The following SIL1 variants were observed in gnomAD, a reference collection of about 807,000 sequenced individuals.
The protein encoded by SIL1 is nucleotide exchange factor SIL1.
A neutral mutation model predicts 49.1 loss-of-function variants in SIL1; 40 were observed. The observed-to-expected ratio is 0.81, with a 90% confidence interval of 0.63 to 1.06. SIL1 has a LOEUF of 1.06. Among genes scored for constraint, SIL1 ranks in the 50% least tolerant of loss-of-function variants. The pLI, the probability that SIL1 is intolerant of heterozygous loss-of-function variation, is 0.00. For synonymous variants in SIL1, 253 were observed against 250.8 expected (o/e 1.01, Z -0.08); for missense variants, 500 against 572.6 (o/e 0.87, Z 1.29).
chr5:139,192,997 C>CAAAAAAAAAAAA, intron 1 of SIL1, among the ~76,000 whole-genome samples: 1 of 79,002 alleles, frequency 1.3e-5, no homozygotes, highest in Non-Finnish European at 2.2e-5. Flanking sequence ...AACTCAGTCT[C>CAAAAAAAAAAAA]AAAAAAAAAA....
At chr5:139,105,919 A>G (rs900234588) in intron 3 of SIL1, among the ~76,000 whole-genome samples, 1 of 152,252 alleles carries the variant, frequency 6.6e-6, no homozygotes, top group African/African-American at 2.4e-5. Flanking sequence ...AGCCGCAAAC[A>G]TAAAGTTGCT....
intron 7 of SIL1, among the ~76,000 whole-genome samples, chr5:138,988,164 A>G (rs1767683264): frequency 6.6e-6 from 1 of 152,176 alleles, no homozygotes; most frequent in African/African-American, 2.4e-5. Context: ...TTACAATTGT[A>G]AAGACAAAGC....
chr5:138,998,290 C>T (rs1323034200), intron 7 of SIL1, among the ~76,000 whole-genome samples: 1 of 152,112 alleles, frequency 6.6e-6, no homozygotes, highest in African/African-American at 2.4e-5. Flanking sequence ...CAGTGATCCT[C>T]CTGAGTAGCT....
At chr5:139,170,985 T>G (rs1484473736) in intron 1 of SIL1, among the ~76,000 whole-genome samples, 2 of 140,920 alleles carry the variant, frequency 1.4e-5, no homozygotes, top group African/African-American at 5.4e-5. Flanking sequence ...AGCCGCCCCG[T>G]CCGGGAGGTG....
rs1296310055 is a variant in SIL1, at chr5:138,947,417, C to T, written c.1086G>A (p.Gln362=). 6 of 1,613,536 alleles carry T rather than the reference C, an allele frequency of 3.7e-6. No individual in the cohort carries two copies. Among genetic ancestry groups the T allele is most frequent in the African/African-American group, 1.3e-5 (1 of 74,936 alleles). ...GCAGGAGGTGTACCTGGCGATACTG[C>T]TGCAGCTTCTCTGGGGACATCTCCT... ...LTQEMSPEKL[Q]QYRQVHLLPG... is the part of the protein sequence containing the mutation. The change falls in exon 10 of 10, where the codon CAG becomes CAA. Residue 362 remains glutamine, a synonymous_variant. Transcript: ENST00000394817. The surrounding 1 kb of genome is among the most constrained non-coding windows in gnomAD (Gnocchi z 4.1).
At chr5:138,983,432 C>T (rs1238860482) in intron 7 of SIL1, among the ~76,000 whole-genome samples, 3 of 151,114 alleles carry the variant, frequency 2.0e-5, no homozygotes, top group Non-Finnish European at 2.9e-5. Context: ...GGCGTGAACC[C>T]GGGCGGAGGA....
At position 139,021,187 on chromosome 5, in the gene SIL1, C is replaced by G. The variant is rs772439933; in HGVS notation, c.751G>C (p.Gly251Arg). Reference sequence around the variant, plus strand: ...ACTGCTCACCTGGAAAAGGCAGCGCCCAGCACAAACGCAGCATACTCCTTC... The same window carrying G: ...ACTGCTCACCTGGAAAAGGCAGCGCGCAGCACAAACGCAGCATACTCCTTC... ...LVKEYAAFVLGAAFSSNPKVQ... is the reference protein window; with the variant it reads ...LVKEYAAFVLRAAFSSNPKVQ... The change falls in exon 7 of 10, where the codon GGC becomes CGC. Residue 251 changes from glycine (G) to arginine (R), a missense_variant. By Grantham distance (125) the Gly-to-Arg change is moderately radical. Coordinates refer to ENST00000394817, the MANE Select transcript of SIL1 (RefSeq NM_022464.5). 1 of 1,614,002 alleles carries G rather than the reference C, an allele frequency of 6.2e-7. No homozygotes were observed. Among genetic ancestry groups the G allele is most frequent in the Non-Finnish European group, 8.5e-7 (1 of 1,180,036 alleles).
chr5:139,097,714 G>A (rs751339824), intron 3 of SIL1, among the ~76,000 whole-genome samples: 14 of 152,040 alleles, frequency 9.2e-5, no homozygotes, highest in Non-Finnish European at 1.2e-4. Context: ...CTGATCTCAT[G>A]ATCTGCCCAC....
intron 3 of SIL1, among the ~76,000 whole-genome samples, chr5:139,057,314 TAAAAA>T (rs67544778): frequency 1.4e-5 from 1 of 73,392 alleles, no homozygotes; most frequent in East Asian, 2.8e-4. Flanking sequence ...GAATGATCAA[TAAAAA>T]AAAAAAAAAG....
intron 7 of SIL1, among the ~76,000 whole-genome samples, chr5:138,953,832 C>T (rs1221978757): frequency 3.9e-5 from 6 of 152,254 alleles, no homozygotes; most frequent in African/African-American, 1.4e-4. Context: ...TTCACACAAA[C>T]ATCAAATGCT....
intron 3 of SIL1, among the ~76,000 whole-genome samples, chr5:139,057,314 TAA>T (rs67544778): frequency 1.4e-5 from 1 of 73,342 alleles, no homozygotes. Context: ...GAATGATCAA[TAA>T]AAAAAAAAAA....
intron 7 of SIL1, among the ~76,000 whole-genome samples, chr5:139,007,417 T>C (rs1285477464): frequency 7.6e-6 from 1 of 131,664 alleles, no homozygotes; most frequent in Non-Finnish European, 1.6e-5. Context: ...CAGGGACAAT[T>C]TGACTTCCTC....
intron 3 of SIL1, among the ~76,000 whole-genome samples, chr5:139,107,500 A>AGT (rs768828661): frequency 1.3e-3 from 193 of 152,370 alleles, no homozygotes; most frequent in Non-Finnish European, 2.3e-3. Context: ...CTAAGAAATT[A>AGT]TACAACAGTA....
chr5:139,170,803 G>A (rs1397734877), intron 1 of SIL1, among the ~76,000 whole-genome samples: 8 of 150,850 alleles, frequency 5.3e-5, no homozygotes, highest in South Asian at 2.1e-4. Context: ...CAGGCCAGCC[G>A]CCCCGTCCGG....
At chr5:139,026,734 C>CT in intron 6 of SIL1, 67 bp downstream of exon 6, 1 of 1,423,064 alleles carries the variant, frequency 7.0e-7, no homozygotes, top group Non-Finnish European at 9.9e-7. Context: ...TTTCTTAGGG[C>CT]TTAGGGAAGG....
At chr5:139,165,627 G>A (rs113278654) in intron 1 of SIL1, among the ~76,000 whole-genome samples, 6,915 of 151,918 alleles carry the variant, frequency 0.046, 240 homozygotes, top group Non-Finnish European at 0.068. Context: ...TGGGATTACA[G>A]GCCAAACCAA....
intron 7 of SIL1, among the ~76,000 whole-genome samples, chr5:138,992,763 T>C (rs560725412): frequency 3.3e-5 from 5 of 152,230 alleles, no homozygotes; most frequent in African/African-American, 1.2e-4. Flanking sequence ...ACATTGGGTA[T>C]AGTGTACACT....
intron 1 of SIL1, among the ~76,000 whole-genome samples, chr5:139,139,297 T>C (rs1376376595): frequency 6.6e-6 from 1 of 152,242 alleles, no homozygotes; most frequent in Admixed American, 6.5e-5. Flanking sequence ...GTCATCCAGA[T>C]ACCACGGTCA....
intron 7 of SIL1, among the ~76,000 whole-genome samples, chr5:138,969,954 G>A (rs1235103515): frequency 6.6e-6 from 1 of 152,180 alleles, no homozygotes; most frequent in Admixed American, 6.5e-5. Context: ...TGGGCACAAG[G>A]GGACAGCTTG....
Sources: gnomAD v4.1 joint callset for allele counts (sites outside exome capture counted in the v4.1 genomes callset) on GRCh38, gnomAD v4.1.1 for gene constraint, Gnocchi (gnomAD v3.1) non-coding constraint, MANE v1.5 for transcripts, NCBI Gene and HGNC (gene_info 2026-07-23, HGNC 2026-07-21) for gene names.